Variants in NUMA1 observed in about 807,000 individuals in gnomAD.
The protein encoded by NUMA1 is nuclear mitotic apparatus protein 1, also known as SP-H antigen.
A neutral mutation model predicts 237.1 loss-of-function variants in NUMA1; 62 were observed. The observed-to-expected ratio is 0.26, with a 90% CI of 0.21 to 0.32. The LOEUF is 0.32. NUMA1 is among the 10% of genes least tolerant of loss of function. The pLI is 1.00. For synonymous variants in NUMA1, 1,028 were observed against 1,066.1 expected, an observed-to-expected ratio of 0.96 and a Z score of 0.70; for missense variants, 2,533 against 2,666.5, an observed-to-expected ratio of 0.95 and a Z score of 1.10.
Position 72,015,609 on chromosome 11 carries a change from C to G in NUMA1, c.1894G>C (p.Asp632His), listed in dbSNP as rs143872566. The change falls in exon 15 of 27, where the codon GAC becomes CAC. Residue 632 changes from aspartate to histidine, a missense_variant. Physicochemically the swap from Asp to His is moderately conservative, Grantham distance 81 (BLOSUM62 -1). Around this residue, in one of 3 missense-constraint regions of NUMA1, gnomAD observed 1,414 missense variants for 1,508.1 expected, o/e 0.94. Coordinates refer to ENST00000393695, the MANE Select transcript of NUMA1 (RefSeq NM_006185.4). This position sits in a 1 kb window ranked among gnomAD's most constrained non-coding sequence, Gnocchi z 4.0. ...QQLQVANEARDSAQTSVTQAQ... is the reference protein window; with the variant it reads ...QQLQVANEARHSAQTSVTQAQ... ...TGTGTCACTGAGGTCTGGGCACTGT[C>G]CCGGGCTTCATTAGCCACCTGAAGT... is the stretch of plus-strand genomic sequence containing the variant. 5 of 1,613,734 alleles carry G rather than the reference C, an allele frequency of 3.1e-6. No individual in the cohort carries two copies. Among genetic ancestry groups the G allele is most frequent in the Admixed American group, 1.7e-5 (1 of 60,028 alleles).
chr11:72,021,322 T>A, intron 7 of NUMA1, 31 bp from the exon 8 acceptor site: 1 of 1,596,272 alleles, frequency 6.3e-7, no homozygotes, highest in Admixed American at 1.7e-5. Flanking sequence ...GAGCATCACT[T>A]AGGTGTTAGG....
At chr11:72,049,531 A>G (rs1457587600) in intron 2 of NUMA1, 4 of 124,864 alleles carry the variant, frequency 3.2e-5, no homozygotes, top group African/African-American at 9.2e-5. Context: ...CAACATAGTG[A>G]GAACCTGTCT....
Position 72,068,969 on chromosome 11 carries a change from A to C in NUMA1, c.-33+873T>G, listed in dbSNP as rs78950245. 4.0e-3 allele frequency among the ~76,000 whole-genome samples: 611 copies of C among 152,290 alleles called. 2 individuals carry two copies. Among genetic ancestry groups the C allele is most frequent in the African/African-American group, 0.014 (583 of 41,552 alleles). ...ATCTTCTGGCTGTTTCTAAAAATTG[A>C]ATCCACCAAGCTAAGAGTAAAGATT... is the stretch of plus-strand genomic sequence containing the variant. On this transcript the variant is annotated intron_variant, in intron 2 of 26. Coordinates refer to ENST00000393695, the MANE Select transcript of NUMA1 (RefSeq NM_006185.4).
intron 15 of NUMA1, 60 bp downstream of exon 15, chr11:72,012,835 C>A (rs769509632): frequency 4.5e-6 from 7 of 1,570,408 alleles, no homozygotes; most frequent in African/African-American, 1.3e-5. Flanking sequence ...CACAGAGGAT[C>A]GATGTCCCCG....
At chr11:72,054,506 C>A (rs1942532669) in intron 2 of NUMA1, among the ~76,000 whole-genome samples, 2 of 151,986 alleles carry the variant, frequency 1.3e-5, no homozygotes, top group Admixed American at 6.6e-5. Context: ...ATAACAATTT[C>A]CATTCATTTG....
Position 72,013,499 on chromosome 11 carries a change from T to C in NUMA1, c.4004A>G (p.Lys1335Arg). 3 of 1,613,448 alleles carry C rather than the reference T, an allele frequency of 1.9e-6. No homozygotes were observed. The highest frequency in any genetic ancestry group is 2.5e-6 in the Non-Finnish European group (3 of 1,180,018). ...LGQELKAWQE[K>R]FFQKEQALST... Reference sequence around the variant, plus strand: ...GAGGGCCTGCTCTTTCTGGAAGAACTTCTCCTGCCACGCCTTCAATTCTTG... The same window carrying C: ...GAGGGCCTGCTCTTTCTGGAAGAACCTCTCCTGCCACGCCTTCAATTCTTG... Residue 1335 changes from lysine (K) to arginine (R), a missense_variant, in exon 15 of 27, where the codon AAG becomes AGG. Transcript: ENST00000393695. The surrounding 1 kb of genome is among the most constrained non-coding windows in gnomAD (Gnocchi z 6.8).
chr11:72,040,445 T>TACACACACACACAC (rs66621771), intron 2 of NUMA1, among the ~76,000 whole-genome samples: 1 of 136,466 alleles, frequency 7.3e-6, no homozygotes, highest in Admixed American at 7.3e-5. Context: ...CGCGTACACA[T>TACACACACACACAC]ACACACACAC....
At position 72,040,481 on chromosome 11, in the gene NUMA1, C is replaced by T. The variant is rs989896594; in HGVS notation, c.-32-4506G>A. The stretch of plus-strand genomic sequence containing the variant: ...ACACACACACACACACACACACACA[C>T]ACACACACACACACACACACACACA... On this transcript the variant is annotated intron_variant, in intron 2 of 26. Coordinates refer to ENST00000393695, the MANE Select transcript of NUMA1 (RefSeq NM_006185.4). 5.4e-3 allele frequency: 831 copies of T among 154,596 alleles called. 16 individuals carry two copies. In the East Asian group the frequency reaches 0.061, roughly 11 times the overall value. 9.6% of individuals were successfully genotyped at this position (154,596 alleles called of 1,614,324 possible).
At position 72,009,290 on chromosome 11, in the gene NUMA1, G is replaced by C. The variant is rs759187062; in HGVS notation, c.4817C>G (p.Ala1606Gly). 13 of 1,613,306 alleles carry C rather than the reference G, an allele frequency of 8.1e-6. No individual in the cohort carries two copies. The highest frequency in any genetic ancestry group is 1.3e-5 in the African/African-American group (1 of 74,934). The change falls in exon 18 of 27, where the codon GCA becomes GGA. Residue 1606 changes from alanine (A) to glycine (G), a missense_variant. Around this residue, in one of 3 missense-constraint regions of NUMA1, gnomAD observed 795 missense variants for 750.8 expected, o/e 1.06. Transcript: ENST00000393695. ...TACCTGCAGCTTATAGTGCTCAGCT[G>C]CCTGCTCCTTCTGGCTCAACTGGGC... ...LQAQLSQKEQ[A>G]AEHYKLQMEK...
intron 24 of NUMA1, 23 bp from the exon 25 acceptor site, chr11:72,004,364 G>A (rs200350152): frequency 1.3e-6 from 2 of 1,592,560 alleles, no homozygotes; most frequent in African/African-American, 1.3e-5. Flanking sequence ...GGACAGTTAG[G>A]CAGACAGTAG....
At chr11:72,058,992 G>A (rs976534593) in intron 2 of NUMA1, among the ~76,000 whole-genome samples, 1 of 152,104 alleles carries the variant, frequency 6.6e-6, no homozygotes, top group Non-Finnish European at 1.5e-5. Context: ...AATATAATAC[G>A]GAGGTATCTA....
At chr11:72,058,576 GA>G (rs952833970) in intron 2 of NUMA1, among the ~76,000 whole-genome samples, 1 of 151,910 alleles carries the variant, frequency 6.6e-6, no homozygotes, top group Non-Finnish European at 1.5e-5. Flanking sequence ...TCAAGTTAAA[GA>G]AAAAAAACTA....
chr11:72,044,071 C>T (rs935349080), intron 2 of NUMA1, among the ~76,000 whole-genome samples: 2 of 152,264 alleles, frequency 1.3e-5, no homozygotes, highest in African/African-American at 4.8e-5. Context: ...TAAAAACTCC[C>T]TTAATGAAGT....
At chr11:72,009,844 A>G (rs1956026608) in intron 17 of NUMA1, among the ~76,000 whole-genome samples, 1 of 152,242 alleles carries the variant, frequency 6.6e-6, no homozygotes, top group Admixed American at 6.5e-5. Flanking sequence ...CTGAGTTCAG[A>G]GATTTAAGCA....
rs149858859 is a variant in NUMA1, at chr11:72,028,998, C to G, written c.128+207G>C. Among the ~76,000 whole-genome samples the G allele has an allele frequency of 2.6e-5, 4 of 152,272 alleles. 1 individual carries two copies. Among genetic ancestry groups the G allele is most frequent in the African/African-American group, 9.6e-5 (4 of 41,550 alleles). ...TGCAGAAGCCTCAGGATGGGACAAG[C>G]GTAAAACCTCTCCCATGGAGTGGTA... On this transcript the variant is annotated intron_variant, in intron 4 of 26. Coordinates refer to ENST00000393695, the MANE Select transcript of NUMA1 (RefSeq NM_006185.4).
intron 13 of NUMA1, 154 bp downstream of exon 13, chr11:72,017,533 G>T: frequency 2.4e-5 from 22 of 911,316 alleles, no homozygotes; most frequent in Middle Eastern, 2.1e-4. Flanking sequence ...AGGTGTACTA[G>T]ACTGAAGCCC....
chr11:72,010,035 A>G (rs1956040628), intron 17 of NUMA1, among the ~76,000 whole-genome samples: 1 of 152,232 alleles, frequency 6.6e-6, no homozygotes, highest in South Asian at 2.1e-4. Flanking sequence ...TGTAGATAGA[A>G]GCATCCCCCC....
At chr11:72,003,654 G>T in intron 26 of NUMA1, 116 bp from the exon 27 acceptor site, 1 of 1,370,292 alleles carries the variant, frequency 7.3e-7, no homozygotes, top group Non-Finnish European at 1.0e-6. Flanking sequence ...TCCCTTGTGA[G>T]CCCCAGGGTT....
chr11:72,013,596 T>C lies in NUMA1; in HGVS notation c.3907A>G (p.Lys1303Glu). Residue 1303 changes from lysine (K) to glutamate (E), a missense_variant, in exon 15 of 27, where the codon AAA (lysine) becomes GAA (glutamate). By Grantham distance (56) the Lys-to-Glu change is moderately conservative. Transcript: ENST00000393695. This position sits in a 1 kb window ranked among gnomAD's most constrained non-coding sequence, Gnocchi z 6.8. ...EVQSLREEAEKQRVASENLRQ... is the reference protein window; with the variant it reads ...EVQSLREEAEEQRVASENLRQ... ...AGGTTCTCTGAAGCCACCCGCTGTTTCTCAGCCTCCTCCCGGAGGCTCTGC... is the reference window on the plus strand; with the variant it reads ...AGGTTCTCTGAAGCCACCCGCTGTTCCTCAGCCTCCTCCCGGAGGCTCTGC... 6.2e-7 allele frequency: 1 copy of C among 1,612,442 alleles called. No homozygotes were observed. The highest frequency in any genetic ancestry group is 8.5e-7 in the Non-Finnish European group (1 of 1,179,970).
Sources: allele counts gnomAD v4.1 joint callset (sites outside exome capture counted in the v4.1 genomes callset), GRCh38; gene constraint gnomAD v4.1.1; regional missense constraint gnomAD v4.1.1; non-coding constraint Gnocchi (gnomAD v3.1); transcripts MANE v1.5; gene names NCBI Gene and HGNC (gene_info 2026-07-23, HGNC 2026-07-21).